Variants in PRR12 observed in about 807,000 individuals in gnomAD.
The protein encoded by PRR12 is proline rich 12, also known as proline-rich protein 12.
Under a neutral mutation model 138.0 loss-of-function variants are expected in PRR12, and 12 were observed. That is an observed-to-expected ratio of 0.09 (90% CI 0.06 to 0.14). The LOEUF is 0.14. Among genes scored for constraint, PRR12 ranks in the 10% least tolerant of loss-of-function variants. The pLI is 1.00. For missense variants in PRR12, 2,692 were observed against 2,861.3 expected, an observed-to-expected ratio of 0.94 and a Z score of 1.35; for synonymous variants, 1,567 against 1,291.7, an observed-to-expected ratio of 1.21 and a Z score of -4.57.
chr19:49,620,744 T>C lies in PRR12; in HGVS notation c.5623+267T>C, dbSNP rs1308926813. Among the ~76,000 whole-genome samples, 30 of 90,096 alleles carry C rather than the reference T, an allele frequency of 3.3e-4. 1 individual carries two copies. The allele number at this position is 90,096 out of a possible 152,430, so 59.1% of individuals were successfully genotyped here. On this transcript the variant is annotated intron_variant, in intron 10 of 13. Coordinates refer to ENST00000418929, the MANE Select transcript of PRR12 (RefSeq NM_020719.3). ...TCTGAGGGAGAAGAGGCTGGGGGCC[T>C]GGACTCCTGGGTCTGAGGGAGGAAG... is the stretch of plus-strand genomic sequence containing the variant.
chr19:49,598,050 G>C (rs1318580583), intron 4 of PRR12, 37 bp downstream of exon 4: 181 of 1,295,636 alleles, frequency 1.4e-4, no homozygotes, highest in Non-Finnish European at 1.7e-4. Context: ...GATAGGGGAG[G>C]AGGAGCTGTG....
intron 9 of PRR12, among the ~76,000 whole-genome samples, chr19:49,619,135 G>A (rs1425420653): frequency 1.3e-5 from 2 of 151,240 alleles, no homozygotes; most frequent in East Asian, 1.9e-4. Context: ...TTAGACTTAC[G>A]TGAAGCCACA....
rs1292399973 is a variant in PRR12, at chr19:49,597,761, C to T, written c.3426C>T (p.Phe1142=). Residue 1142 remains phenylalanine (F), a synonymous_variant, in exon 4 of 14, where the codon TTC becomes TTT. Coordinates refer to ENST00000418929, the MANE Select transcript of PRR12 (RefSeq NM_020719.3). This position sits in a 1 kb window ranked among gnomAD's most constrained non-coding sequence, Gnocchi z 6.3. ...TCTCGCCACTGGGGGACATCGACTTCTGCCCACCCAACCCAGGACCCGATG... is the reference window on the plus strand; with the variant it reads ...TCTCGCCACTGGGGGACATCGACTTTTGCCCACCCAACCCAGGACCCGATG... The part of the protein sequence containing the change: ...PALSPLGDID[F]CPPNPGPDGP... 2.5e-6 allele frequency: 4 copies of T among 1,605,506 alleles called. No homozygotes were observed. Among genetic ancestry groups the T allele is most frequent in the Non-Finnish European group, 1.7e-6 (2 of 1,176,774 alleles).
Position 49,596,912 on chromosome 19 carries a change from G to T in PRR12, c.2577G>T (p.Leu859=), listed in dbSNP as rs773392954. The change falls in exon 4 of 14, where the codon CTG becomes CTT. Residue 859 remains leucine (L), a synonymous_variant. Coordinates refer to ENST00000418929, the MANE Select transcript of PRR12 (RefSeq NM_020719.3). This position sits in a 1 kb window ranked among gnomAD's most constrained non-coding sequence, Gnocchi z 5.6. ...AGGCCCACCTCCGCAGCCATGGCCT[G>T]GAGCCCGCGGCCCCCAGCCCCCGCC... ...QLEAHLRSHG[L]EPAAPSPRLR... is the part of the protein sequence containing the mutation. 41 of 1,551,290 alleles carry T rather than the reference G, an allele frequency of 2.6e-5. No individual in the cohort carries two copies. Among genetic ancestry groups the T allele is most frequent in the Non-Finnish European group, 3.3e-5 (38 of 1,155,574 alleles).
chr19:49,621,754 G>T (rs2080924798), intron 11 of PRR12, 132 bp downstream of exon 11: 9 of 719,646 alleles, frequency 1.3e-5, no homozygotes, highest in Admixed American at 2.3e-5. Flanking sequence ...TGGGAGAAAA[G>T]TTGAGGGCAG....
chr19:49,624,317 A>G (rs1400691640), intron 11 of PRR12, among the ~76,000 whole-genome samples: 41 of 130,582 alleles, frequency 3.1e-4, no homozygotes, highest in African/African-American at 4.2e-4. Context: ...GATGGTGCTG[A>G]GAATTCTGGG....
chr19:49,620,235 G>A (rs1447141541), intron 9 of PRR12, 117 bp from the exon 10 acceptor site: 1 of 1,399,926 alleles, frequency 7.1e-7, no homozygotes, highest in Admixed American at 2.1e-5. Context: ...TAGCGGACTT[G>A]GACCTCCCAA....
chr19:49,607,876 G>C (rs1048679360), intron 6 of PRR12, among the ~76,000 whole-genome samples: 2 of 151,656 alleles, frequency 1.3e-5, no homozygotes, highest in South Asian at 4.2e-4. Context: ...AAAATTAGCC[G>C]GGCGTGGGGG....
In PRR12 at chr19:49,597,325, G is replaced by A. The variant is rs866223591; in HGVS notation, c.2990G>A (p.Arg997Gln). ...CCCTATGGGCCCTACTGTCCTGGCC[G>A]GGCGTCGGGAGCCGGGCCCGAGACA... ...YDPYGPYCPGRASGAGPETPG... is the reference protein window; with the variant it reads ...YDPYGPYCPGQASGAGPETPG... Residue 997 changes from arginine (R) to glutamine (Q), a missense_variant, in exon 4 of 14, where the codon CGG (arginine) becomes CAG (glutamine). By Grantham distance (43) the Arg-to-Gln change is conservative. This residue lies in a region of PRR12 where 840 missense variants were observed against 689.8 expected (regional missense o/e 1.22). Coordinates refer to ENST00000418929, the MANE Select transcript of PRR12 (RefSeq NM_020719.3). The surrounding 1 kb of genome is among the most constrained non-coding windows in gnomAD (Gnocchi z 6.3). The A allele has an allele frequency of 1.9e-5, 30 of 1,547,116 alleles. No homozygotes were observed. In the African/African-American group the frequency reaches 3.1e-4, roughly 16 times the overall value.
chr19:49,600,053 G>A (rs1352064576), intron 5 of PRR12, 115 bp downstream of exon 5: 1 of 1,165,154 alleles, frequency 8.6e-7, no homozygotes, highest in Non-Finnish European at 1.2e-6. Context: ...CATGGTGTAA[G>A]CTTGCGTGTT....
Position 49,594,183 on chromosome 19 carries a change from T to C in PRR12, c.200-271T>C, listed in dbSNP as rs1265525153. ...CCTGGCTCTTTCGCTTCTAGATTTT[T>C]CTACACTTTTGTCTACCATTTCCTA... On this transcript the variant is annotated intron_variant, in intron 2 of 13. Transcript: ENST00000418929. This position sits in a 1 kb window ranked among gnomAD's most constrained non-coding sequence, Gnocchi z 5.6. 6.6e-6 allele frequency among the ~76,000 whole-genome samples: 1 copy of C among 152,232 alleles called. No individual in the cohort carries two copies. Among genetic ancestry groups the C allele is most frequent in the East Asian group, 1.9e-4 (1 of 5,200 alleles).
rs371811298 is a variant in PRR12 at position 49,597,062 on chromosome 19, C to T, written c.2727C>T (p.Pro909=). The change falls in exon 4 of 14, where the codon CCC becomes CCT. Residue 909 remains proline, a synonymous_variant. Transcript: ENST00000418929. This position sits in a 1 kb window ranked among gnomAD's most constrained non-coding sequence, Gnocchi z 6.3. ...CACCAAACTCGGAGGGCAAGGATCC[C>T]GCAGGCGCCTACCGCAGCCCCAGCC... ...VGPPNSEGKD[P]AGAYRSPSPQ... is the part of the protein sequence containing the mutation. 4.0e-5 allele frequency: 62 copies of T among 1,553,098 alleles called. No individual in the cohort carries two copies. Among genetic ancestry groups the T allele is most frequent in the East Asian group, 1.7e-4 (7 of 41,166 alleles).
chr19:49,595,881 G>C lies in PRR12; in HGVS notation c.1546G>C (p.Gly516Arg). The C allele has an allele frequency of 6.2e-7, 1 of 1,603,532 alleles. No homozygotes were observed. Among genetic ancestry groups the C allele is most frequent in the Non-Finnish European group, 8.5e-7 (1 of 1,179,402 alleles). ...LYGVQGEPYPGPAAHSQGLPT... is the reference protein window; with the variant it reads ...LYGVQGEPYPRPAAHSQGLPT... The stretch of plus-strand genomic sequence containing the variant: ...TGGGGTGCAGGGCGAGCCATACCCA[G>C]GGCCAGCCGCCCACTCCCAGGGGCT... The change falls in exon 4 of 14, where the codon GGG becomes CGG. Residue 516 changes from glycine (G) to arginine (R), a missense_variant. Transcript: ENST00000418929.
rs752411464 is a variant in PRR12, at chr19:49,596,864, A to T, written c.2529A>T (p.Pro843=). 29 of 1,144,990 alleles carry T rather than the reference A, an allele frequency of 2.5e-5. No homozygotes were observed. The South Asian group carries it at 3.6e-4, about 14-fold the overall frequency. The allele number at this position is 1,144,990 out of a possible 1,614,324, so 70.9% of individuals were successfully genotyped here. Residue 843 remains proline (P), a synonymous_variant, in exon 4 of 14, where the codon CCA becomes CCT. Coordinates refer to ENST00000418929, the MANE Select transcript of PRR12 (RefSeq NM_020719.3). The surrounding 1 kb of genome is among the most constrained non-coding windows in gnomAD (Gnocchi z 5.6). The part of the protein sequence containing the change: ...PQPPPPPPPP[P]PPMPLQLEAH... ...CACCTCCACCGCCACCCCCGCCTCC[A>T]CCACCCATGCCCCTGCAGCTCGAGG...
intron 6 of PRR12, among the ~76,000 whole-genome samples, chr19:49,611,740 G>A (rs1290308898): frequency 3.4e-5 from 5 of 148,050 alleles, no homozygotes; most frequent in East Asian, 3.9e-4. Flanking sequence ...TGGCTAACGC[G>A]GTGAAACCCC....
At position 49,595,795 on chromosome 19, in the gene PRR12, C is replaced by G. The variant is rs1268986875; in HGVS notation, c.1460C>G (p.Pro487Arg). The G allele has an allele frequency of 6.3e-7, 1 of 1,597,850 alleles. No homozygotes were observed. Among genetic ancestry groups the G allele is most frequent in the African/African-American group, 1.3e-5 (1 of 74,762 alleles). The change falls in exon 4 of 14, where the codon CCT becomes CGT. Residue 487 changes from proline (P) to arginine (R), a missense_variant. Transcript: ENST00000418929. ...GGPPQPPSGP[P>R]PPGLATCQSY... ...CCCCCACAGCCCCCCAGCGGCCCCC[C>G]TCCTCCTGGCCTGGCCACATGTCAG...
At chr19:49,602,615 A>C (rs1013030985) in intron 6 of PRR12, among the ~76,000 whole-genome samples, 27 of 152,136 alleles carry the variant, frequency 1.8e-4, no homozygotes, top group African/African-American at 6.0e-4. Flanking sequence ...GCGATGGCTC[A>C]ATCTCGGCTC....
chr19:49,598,558 G>A (rs2080791314), intron 4 of PRR12, among the ~76,000 whole-genome samples: 1 of 152,156 alleles, frequency 6.6e-6, no homozygotes. Context: ...TGTGGTTCAT[G>A]CCTGTAATCC....
At position 49,599,319 on chromosome 19, in the gene PRR12, G is replaced by T. The variant is rs753352775; in HGVS notation, c.3726G>T (p.Ser1242=). ...CTGGCGAGGGTCTGGGAACCTCATC[G>T]GGTGATGCCATATCAGGCACTGACC... is the stretch of plus-strand genomic sequence containing the variant. ...PKAGEGLGTS[S]GDAISGTDHN... Residue 1242 remains serine (S), a synonymous_variant, in exon 5 of 14, where the codon TCG becomes TCT. Coordinates refer to ENST00000418929, the MANE Select transcript of PRR12 (RefSeq NM_020719.3). This position sits in a 1 kb window ranked among gnomAD's most constrained non-coding sequence, Gnocchi z 5.0. The T allele has an allele frequency of 6.2e-7, 1 of 1,612,668 alleles. No individual in the cohort carries two copies. The highest frequency in any genetic ancestry group is 1.1e-5 in the South Asian group (1 of 91,024).
Sources: allele counts gnomAD v4.1 joint callset (sites outside exome capture counted in the v4.1 genomes callset), GRCh38; gene constraint gnomAD v4.1.1; regional missense constraint gnomAD v4.1.1; non-coding constraint Gnocchi (gnomAD v3.1); transcripts MANE v1.5; gene names NCBI Gene and HGNC (gene_info 2026-07-23, HGNC 2026-07-21).